SIPA1L3: variants seen among roughly 807,000 people sequenced by gnomAD.
SIPA1L3 encodes signal induced proliferation associated 1 like 3.
Under a neutral mutation model 150.1 loss-of-function variants are expected in SIPA1L3, and 59 were observed. That is an observed-to-expected ratio of 0.39 (90% confidence interval 0.32 to 0.49). The LOEUF is 0.49. Among genes scored for constraint, SIPA1L3 ranks in the 20% least tolerant of loss-of-function variants. The probability of loss-of-function intolerance (pLI) is 0.86; values close to 1 mark genes in which losing one functional copy is unlikely to be tolerated. For synonymous variants in SIPA1L3, 1,070 were observed against 1,077.6 expected, an observed-to-expected ratio of 0.99 and a Z score of 0.14; for missense variants, 2,211 against 2,489.5, an observed-to-expected ratio of 0.89 and a Z score of 2.38.
intron 1 of SIPA1L3, among the ~76,000 whole-genome samples, chr19:37,928,798 G>A (rs1236352159): frequency 6.6e-6 from 1 of 152,198 alleles, no homozygotes; most frequent in East Asian, 1.9e-4. Flanking sequence ...CTGAAATAAC[G>A]AGATTTATGA....
intron 1 of SIPA1L3, among the ~76,000 whole-genome samples, chr19:37,942,387 C>G (rs2046667633): frequency 6.6e-6 from 1 of 151,470 alleles, no homozygotes; most frequent in African/African-American, 2.4e-5. Flanking sequence ...TGGTGACATG[C>G]CAGCTGAGAG....
intron 9 of SIPA1L3, among the ~76,000 whole-genome samples, chr19:38,121,885 C>T (rs1287244221): frequency 1.3e-5 from 2 of 151,746 alleles, no homozygotes; most frequent in Admixed American, 6.6e-5. Context: ...CACCACTGCA[C>T]TCGAACCTCG....
At chr19:37,935,094 A>T (rs1416576342) in intron 1 of SIPA1L3, among the ~76,000 whole-genome samples, 1 of 152,196 alleles carries the variant, frequency 6.6e-6, no homozygotes, top group Non-Finnish European at 1.5e-5. Context: ...AAGTAACAGT[A>T]GTGCAATGAT....
Position 37,938,624 on chromosome 19 carries a change from C to CTTTTTT in SIPA1L3, c.-379+31278_-379+31283dup, listed in dbSNP as rs759856556. Among the ~76,000 whole-genome samples, 329 of 131,260 alleles carry CTTTTTT rather than the reference C, an allele frequency of 2.5e-3. 1 individual carries two copies. Among genetic ancestry groups the CTTTTTT allele is most frequent in the African/African-American group, 8.8e-3 (312 of 35,546 alleles). 86.1% of individuals were successfully genotyped at this position (131,260 alleles called of 152,430 possible). ...GCTTCTTTTTCTTTTTTTCTTTTTT[C>CTTTTTT]TTTTTTTTTTTTTTTTTAGGTGGAG... On this transcript the variant is annotated intron_variant, in intron 1 of 21. Transcript: ENST00000222345.
intron 13 of SIPA1L3, among the ~76,000 whole-genome samples, chr19:38,161,964 C>T (rs1972099056): frequency 6.6e-6 from 1 of 152,106 alleles, no homozygotes; most frequent in Admixed American, 6.6e-5. Context: ...ATGGCTTCAA[C>T]CCAGGAGTTC....
chr19:38,121,187 T>TA (rs1487526020), intron 9 of SIPA1L3, among the ~76,000 whole-genome samples: 2 of 150,714 alleles, frequency 1.3e-5, no homozygotes, highest in African/African-American at 4.9e-5. Flanking sequence ...AAAAAAAAAA[T>TA]AAAAAAATAA....
intron 1 of SIPA1L3, among the ~76,000 whole-genome samples, chr19:37,992,185 C>G (rs530537423): frequency 6.6e-6 from 1 of 152,328 alleles, no homozygotes; most frequent in Admixed American, 6.5e-5. Context: ...CAGTCCCAAC[C>G]TCTTAAGGCT....
At chr19:38,136,787 A>G (rs1381737208) in intron 10 of SIPA1L3, among the ~76,000 whole-genome samples, 2 of 152,150 alleles carry the variant, frequency 1.3e-5, no homozygotes, top group African/African-American at 2.4e-5. Flanking sequence ...GATAATTTCG[A>G]TGATGATCAT....
At chr19:38,027,520 A>G (rs1968541293) in intron 1 of SIPA1L3, among the ~76,000 whole-genome samples, 1 of 151,880 alleles carries the variant, frequency 6.6e-6, no homozygotes, top group Non-Finnish European at 1.5e-5. Context: ...TGGCGGGGAT[A>G]TTTGGGTAGC....
intron 1 of SIPA1L3, among the ~76,000 whole-genome samples, chr19:37,998,944 T>G (rs2145651614): frequency 6.6e-6 from 1 of 151,940 alleles, no homozygotes; most frequent in South Asian, 2.1e-4. Context: ...TACTTTTTTT[T>G]AGCATGTTAA....
At chr19:37,919,724 T>TC (rs1401999028) in intron 1 of SIPA1L3, among the ~76,000 whole-genome samples, 1 of 147,712 alleles carries the variant, frequency 6.8e-6, no homozygotes, top group Non-Finnish European at 1.5e-5. Context: ...TTTTTTTTTT[T>TC]TTTGAGACAG....
At chr19:38,086,586 G>C (rs1970137491) in intron 3 of SIPA1L3, among the ~76,000 whole-genome samples, 1 of 152,206 alleles carries the variant, frequency 6.6e-6, no homozygotes, top group African/African-American at 2.4e-5. Flanking sequence ...TGGAGGCTGA[G>C]ATGGGAGGAT....
chr19:38,072,862 C>T (rs921608731), intron 2 of SIPA1L3, among the ~76,000 whole-genome samples: 1 of 152,262 alleles, frequency 6.6e-6, no homozygotes, highest in African/African-American at 2.4e-5. Flanking sequence ...TTGCAGCCCT[C>T]ACAGAGTTGG....
chr19:38,100,596 C>G (rs887200529), intron 5 of SIPA1L3, among the ~76,000 whole-genome samples: 2 of 152,182 alleles, frequency 1.3e-5, no homozygotes, highest in Admixed American at 6.5e-5. Flanking sequence ...TGTCCATGGC[C>G]CAGTCACCAG....
chr19:37,945,617 T>G (rs757883154), intron 1 of SIPA1L3, among the ~76,000 whole-genome samples: 1 of 152,162 alleles, frequency 6.6e-6, no homozygotes, highest in Non-Finnish European at 1.5e-5. Flanking sequence ...GTCCTGCAGA[T>G]TACACTTGAG....
At chr19:38,012,334 C>T (rs1447936441) in intron 1 of SIPA1L3, among the ~76,000 whole-genome samples, 1 of 152,074 alleles carries the variant, frequency 6.6e-6, no homozygotes, top group Non-Finnish European at 1.5e-5. Context: ...GTTCCTCCCA[C>T]CTCAGTGTCC....
At chr19:38,007,308 C>G (rs1233439984) in intron 1 of SIPA1L3, among the ~76,000 whole-genome samples, 1 of 152,058 alleles carries the variant, frequency 6.6e-6, no homozygotes, top group Non-Finnish European at 1.5e-5. Flanking sequence ...CAAAAATTAG[C>G]CAGGCGTGAT....
intron 2 of SIPA1L3, among the ~76,000 whole-genome samples, chr19:38,077,643 TTTTTTC>T (rs1464382441): frequency 6.4e-5 from 9 of 139,616 alleles, no homozygotes; most frequent in African/African-American, 8.4e-5. Context: ...TTGTTTTTTC[TTTTTTC>T]TTTTTCTTTT....
At chr19:38,178,085 T>TGG (rs1361814202) in intron 15 of SIPA1L3, among the ~76,000 whole-genome samples, 15 of 100,794 alleles carry the variant, frequency 1.5e-4, no homozygotes, top group Admixed American at 5.2e-4. Context: ...TGCAGGCTTT[T>TGG]GGTGTGTGTG....
Sources: allele counts gnomAD v4.1 joint callset (sites outside exome capture counted in the v4.1 genomes callset), GRCh38; gene constraint gnomAD v4.1.1; transcripts MANE v1.5; gene names NCBI Gene and HGNC (gene_info 2026-07-23, HGNC 2026-07-21).